Variants in PLPPR5 observed in about 807,000 individuals in gnomAD.
The protein encoded by PLPPR5 is phospholipid phosphatase-related protein type 5.
A neutral mutation model predicts 33.9 loss-of-function variants in PLPPR5; 16 were observed. That is an observed-to-expected ratio of 0.47 (90% confidence interval 0.32 to 0.72). PLPPR5 has a LOEUF of 0.72. PLPPR5 is among the 30% of genes least tolerant of loss of function. PLPPR5 has a pLI of 0.03. For missense variants in PLPPR5, 301 were observed against 406.7 expected, an observed-to-expected ratio of 0.74 and a Z score of 2.23; for synonymous variants, 163 against 150.3, an observed-to-expected ratio of 1.08 and a Z score of -0.62.
chr1:98,964,604 T>C (rs913769898), intron 1 of PLPPR5, among the ~76,000 whole-genome samples: 4 of 152,204 alleles, frequency 2.6e-5, no homozygotes, highest in Non-Finnish European at 5.9e-5. Flanking sequence ...TCCCCTCATC[T>C]GGGCTCACTA....
chr1:98,987,537 T>C (rs1199007740), intron 1 of PLPPR5, among the ~76,000 whole-genome samples: 2 of 151,948 alleles, frequency 1.3e-5, no homozygotes, highest in African/African-American at 4.8e-5. Flanking sequence ...TTAAGTCCTT[T>C]TGTCCACAGT....
chr1:98,939,338 G>GACA, intron 3 of PLPPR5, among the ~76,000 whole-genome samples: 1 of 148,000 alleles, frequency 6.8e-6, no homozygotes, highest in Non-Finnish European at 1.5e-5. Context: ...AATATGCTAG[G>GACA]TGCACCACTG....
chr1:98,977,615 A>G lies in PLPPR5; in HGVS notation c.238-20874T>C, dbSNP rs1053950220. On this transcript the variant is annotated intron_variant, in intron 1 of 5. Coordinates refer to ENST00000263177, the MANE Select transcript of PLPPR5 (RefSeq NM_001037317.2). ...AAGTTATTTGAAGGCAGCAAGTTCA[A>G]TACATTCTTCCCTGTGAATGTATTG... Among the ~76,000 whole-genome samples, 6 of 150,778 alleles carry G rather than the reference A, an allele frequency of 4.0e-5. No homozygotes were observed. The South Asian group carries it at 6.3e-4, about 16-fold the overall frequency.
At chr1:98,992,820 T>C (rs1196287930) in intron 1 of PLPPR5, among the ~76,000 whole-genome samples, 3 of 152,078 alleles carry the variant, frequency 2.0e-5, no homozygotes, top group African/African-American at 7.2e-5. Context: ...AATACTGCCA[T>C]AAAGAAAGAT....
chr1:98,919,639 A>G (rs1171487256), intron 4 of PLPPR5, among the ~76,000 whole-genome samples: 3 of 152,140 alleles, frequency 2.0e-5, no homozygotes, highest in Non-Finnish European at 4.4e-5. Context: ...CCTGGAGGAC[A>G]TGATGGATAT....
chr1:98,892,538 CTAAAAA>C lies in PLPPR5; in HGVS notation c.*528_*533del, dbSNP rs1648312845. Reference sequence around the variant, plus strand: ...ATTATTTTACTATAGAACATACTTTCTAAAAATAAAGTAATTTCACACACTGAAATG... The same window carrying C: ...ATTATTTTACTATAGAACATACTTTCTAAAGTAATTTCACACACTGAAATG... On this transcript the variant is annotated 3_prime_UTR_variant, in exon 6 of 6. Transcript: ENST00000263177. The C allele has an allele frequency of 6.8e-6, 1 of 146,488 alleles. No homozygotes were observed. Among genetic ancestry groups the C allele is most frequent in the South Asian group, 2.1e-4 (1 of 4,658 alleles). The allele number at this position is 146,488 out of a possible 1,614,324, so 9.1% of individuals were successfully genotyped here.
chr1:98,997,265 T>C (rs949796274), intron 1 of PLPPR5, among the ~76,000 whole-genome samples: 2 of 152,182 alleles, frequency 1.3e-5, no homozygotes, highest in Non-Finnish European at 2.9e-5. Flanking sequence ...GGCTTGGATA[T>C]GTAATTTTAA....
At position 98,956,696 on chromosome 1, in the gene PLPPR5, T is replaced by C. The variant is rs748180647; in HGVS notation, c.283A>G (p.Arg95Gly). 1.9e-5 allele frequency: 30 copies of C among 1,595,578 alleles called. No individual in the cohort carries two copies. In the Admixed American group the frequency reaches 3.6e-4, roughly 19 times the overall value. ...TAVFCLQLAT[R>G]DFENQEKTIL... ...GTTTTTTCCTGGTTTTCAAAATCCC[T>C]TGTGGCTAGTTGTAGGCAAAAGACA... Residue 95 changes from arginine (R) to glycine (G), a missense_variant, in exon 2 of 6, where the codon AGG becomes GGG. Arg to Gly is a moderately radical substitution (Grantham distance 125). Coordinates refer to ENST00000263177, the MANE Select transcript of PLPPR5 (RefSeq NM_001037317.2).
In PLPPR5 at chr1:98,902,129, A is replaced by G. The variant is rs539767869; in HGVS notation, c.934-9025T>C. Among the ~76,000 whole-genome samples, 42 of 152,120 alleles carry G rather than the reference A, an allele frequency of 2.8e-4. No individual in the cohort carries two copies. In the South Asian group the frequency reaches 4.6e-3, roughly 17 times the overall value. The stretch of plus-strand genomic sequence containing the variant: ...TCTCCTTAAAATGGAAATAAGACAC[A>G]CTCAAATGACTTCACATATTTTATA... On this transcript the variant is annotated intron_variant, in intron 5 of 5. Transcript: ENST00000263177.
At chr1:98,919,810 A>G (rs893726016) in intron 4 of PLPPR5, among the ~76,000 whole-genome samples, 3 of 152,150 alleles carry the variant, frequency 2.0e-5, no homozygotes, top group Non-Finnish European at 2.9e-5. Flanking sequence ...GAAGCAAACT[A>G]TAGTTTATGG....
intron 5 of PLPPR5, among the ~76,000 whole-genome samples, chr1:98,908,034 TGA>T (rs1187559924): frequency 6.6e-6 from 1 of 152,226 alleles, no homozygotes; most frequent in Non-Finnish European, 1.5e-5. Flanking sequence ...GCTTCTTGTC[TGA>T]GAGCTTTCTT....
chr1:99,004,226 G>GGGGGGGTGACGTGTGGGAAGAGCT (rs1557700684), intron 1 of PLPPR5: 2 of 545,622 alleles, frequency 3.7e-6, no homozygotes, highest in Non-Finnish European at 6.5e-6. Context: ...CGCGGGGTGT[G>GGGGGGGTGACGTGTGGGAAGAGCT]GGGGGGTGAC....
At chr1:98,934,451 G>C (rs1346458708) in intron 3 of PLPPR5, among the ~76,000 whole-genome samples, 1 of 152,200 alleles carries the variant, frequency 6.6e-6, no homozygotes, top group Non-Finnish European at 1.5e-5. Flanking sequence ...GAGAAAGAAA[G>C]AGTGTACAGA....
intron 1 of PLPPR5, 30 bp from the exon 2 acceptor site, chr1:98,956,771 T>C (rs769512499): frequency 1.3e-6 from 2 of 1,498,632 alleles, no homozygotes; most frequent in Non-Finnish European, 9.0e-7. Flanking sequence ...TTAAGGAATA[T>C]TAGAATTTAA....
At chr1:98,940,028 C>T (rs575779556) in intron 3 of PLPPR5, among the ~76,000 whole-genome samples, 4 of 151,780 alleles carry the variant, frequency 2.6e-5, no homozygotes, top group East Asian at 3.9e-4. Flanking sequence ...CTAGTGTAAA[C>T]GAGTGGAATA....
intron 5 of PLPPR5, among the ~76,000 whole-genome samples, chr1:98,908,190 G>A (rs1648977846): frequency 2.0e-5 from 3 of 152,124 alleles, no homozygotes. Context: ...GGACATTATT[G>A]AGGCTGCACA....
At position 98,893,045 on chromosome 1, in the gene PLPPR5, T is replaced by A; in HGVS notation, c.*27A>T. Reference sequence around the variant, plus strand: ...GATGGTAAAAAGGGATGATGTCCAATGCAGTGAAAAACCATCTGCTTCGAT... The same window carrying A: ...GATGGTAAAAAGGGATGATGTCCAAAGCAGTGAAAAACCATCTGCTTCGAT... On this transcript the variant is annotated 3_prime_UTR_variant, in exon 6 of 6. Transcript: ENST00000263177. 1 of 1,608,560 alleles carries A rather than the reference T, an allele frequency of 6.2e-7. No homozygotes were observed. The highest frequency in any genetic ancestry group is 8.5e-7 in the Non-Finnish European group (1 of 1,176,168).
rs376168653 is a variant in PLPPR5, at chr1:98,959,735, A to G, written c.238-2994T>C. ...CAGTTCAACTGATAAGATTTTCCAA[A>G]CCTCAATTCCAAATTCCCAGGAGGT... On this transcript the variant is annotated intron_variant, in intron 1 of 5. Coordinates refer to ENST00000263177, the MANE Select transcript of PLPPR5 (RefSeq NM_001037317.2). 3.9e-5 allele frequency among the ~76,000 whole-genome samples: 6 copies of G among 152,274 alleles called. No individual in the cohort carries two copies. In the East Asian group the frequency reaches 9.7e-4, roughly 24 times the overall value.
rs549348800 is a variant in PLPPR5, at chr1:98,956,524, C to T, written c.370+85G>A. 4 of 1,307,756 alleles carry T rather than the reference C, an allele frequency of 3.1e-6. No individual in the cohort carries two copies. The East Asian group carries it at 1.2e-4, about 38-fold the overall frequency. The allele number at this position is 1,307,756 out of a possible 1,614,324, so 81.0% of individuals were successfully genotyped here. A position where few individuals can be genotyped will look rare whatever the true frequency, so the allele number is the denominator to read the frequency against. On this transcript the variant is annotated intron_variant, in intron 2 of 5. Transcript: ENST00000263177. ...GAAAAAAACCCCTAATATTTGCAAA[C>T]AGTTAACATGTGGGTTATTTTAAGG... is the stretch of plus-strand genomic sequence containing the variant.
Sources: gnomAD v4.1 joint callset for allele counts (sites outside exome capture counted in the v4.1 genomes callset) on GRCh38, gnomAD v4.1.1 for gene constraint, MANE v1.5 for transcripts, NCBI Gene and HGNC (gene_info 2026-07-23, HGNC 2026-07-21) for gene names.